The following PCCB variants were observed in gnomAD, a reference collection of about 807,000 sequenced individuals.
The protein encoded by PCCB is propionyl-CoA carboxylase subunit beta.
A neutral mutation model predicts 60.7 loss-of-function variants in PCCB; 43 were observed. The ratio of observed to expected loss-of-function variants is 0.71; its 90% confidence interval spans 0.55 to 0.91. PCCB has a LOEUF of 0.91. Ranked by LOEUF, PCCB falls within the 40% of genes least tolerant of loss-of-function variation. The pLI is 0.00. For missense variants in PCCB, 766 were observed against 702.8 expected, an observed-to-expected ratio of 1.09 and a Z score of -1.02; for synonymous variants, 276 against 255.9, an observed-to-expected ratio of 1.08 and a Z score of -0.75.
chr3:136,262,046 G>T lies in PCCB; in HGVS notation c.524G>T (p.Gly175Val). The T allele has an allele frequency of 1.3e-6, 2 of 1,554,058 alleles. No homozygotes were observed. Among genetic ancestry groups the T allele is most frequent in the Non-Finnish European group, 1.7e-6 (2 of 1,146,934 alleles). Residue 175 changes from glycine to valine, a missense_variant, in exon 5 of 15, where the codon GGC becomes GTC. Coordinates refer to ENST00000251654, the MANE Select transcript of PCCB (RefSeq NM_000532.5). ...CAAGAAGGAGTGGAGTCTTTGGCTGGCTATGCAGACATCTTTCTGGTGAGA... is the reference window on the plus strand; with the variant it reads ...CAAGAAGGAGTGGAGTCTTTGGCTGTCTATGCAGACATCTTTCTGGTGAGA... ...RIQEGVESLA[G>V]YADIFLRNVT...
intron 5 of PCCB, among the ~76,000 whole-genome samples, chr3:136,275,442 G>A (rs1034465079): frequency 1.5e-4 from 22 of 151,706 alleles, no homozygotes; most frequent in African/African-American, 4.1e-4. Flanking sequence ...CAAATATTTC[G>A]TTTTAGTTTG....
intron 6 of PCCB, among the ~76,000 whole-genome samples, chr3:136,287,841 A>T (rs920168922): frequency 6.6e-6 from 1 of 152,210 alleles, no homozygotes; most frequent in Non-Finnish European, 1.5e-5. Flanking sequence ...ACATTTTTCT[A>T]TATGTGTCTT....
At chr3:136,310,363 A>T (rs1026924077) in intron 9 of PCCB, among the ~76,000 whole-genome samples, 1 of 141,018 alleles carries the variant, frequency 7.1e-6, no homozygotes, top group Admixed American at 7.1e-5. Flanking sequence ...AACTCCATCT[A>T]AAAAAAAAAA....
rs1469662555 is a variant in PCCB at position 136,324,799 on chromosome 3, T to C, written c.1091-2004T>C. 6.6e-5 allele frequency among the ~76,000 whole-genome samples: 10 copies of C among 152,192 alleles called. 1 individual carries two copies. Among genetic ancestry groups the C allele is most frequent in the Admixed American group, 5.2e-4 (8 of 15,280 alleles). On this transcript the variant is annotated intron_variant, in intron 10 of 14. Coordinates refer to ENST00000251654, the MANE Select transcript of PCCB (RefSeq NM_000532.5). ...CCACAGACAGGTTAGAGCAGACATA[T>C]GCGGAAATTTGTGAATGAGGTCTGC...
At chr3:136,266,851 G>T (rs947747138) in intron 5 of PCCB, among the ~76,000 whole-genome samples, 5 of 151,906 alleles carry the variant, frequency 3.3e-5, no homozygotes, top group Non-Finnish European at 7.4e-5. Context: ...TCTGTGGCTT[G>T]TCTTTTCTTT....
chr3:136,255,669 C>T (rs1292558664), intron 1 of PCCB, 187 bp from the exon 2 acceptor site: 6 of 636,136 alleles, frequency 9.4e-6, no homozygotes, highest in Non-Finnish European at 1.7e-5. Context: ...ACTGTCTGTC[C>T]TGATTTCCAT....
chr3:136,273,578 CTTTTTTT>C (rs56936911), intron 5 of PCCB, among the ~76,000 whole-genome samples: 9 of 59,200 alleles, frequency 1.5e-4, no homozygotes, highest in Non-Finnish European at 2.7e-4. Flanking sequence ...CTTTTTCTTT[CTTTTTTT>C]TTTTCTTTTT....
intron 6 of PCCB, among the ~76,000 whole-genome samples, chr3:136,290,963 A>G (rs1576332582): frequency 2.0e-5 from 3 of 151,576 alleles, no homozygotes; most frequent in South Asian, 2.1e-4. Context: ...AAGCTCAGAG[A>G]TTCTTTCCTC....
At chr3:136,326,126 A>C (rs1935299385) in intron 10 of PCCB, among the ~76,000 whole-genome samples, 1 of 152,084 alleles carries the variant, frequency 6.6e-6, no homozygotes. Flanking sequence ...GTTTTTGTAT[A>C]TATTGCTGGA....
chr3:136,301,127 G>C lies in PCCB; in HGVS notation c.966+16G>C. 1 of 1,601,130 alleles carries C rather than the reference G, an allele frequency of 6.2e-7. No homozygotes were observed. Among genetic ancestry groups the C allele is most frequent in the South Asian group, 1.1e-5 (1 of 90,864 alleles). The stretch of plus-strand genomic sequence containing the variant: ...CATACACTCTGTAAGTGCCACATCT[G>C]TTTGTCTTGCCTGTCCTAGTCAGCC... On this transcript the variant is annotated intron_variant, in intron 9 of 14. Transcript: ENST00000251654.
chr3:136,309,549 C>T (rs1934580482), intron 9 of PCCB, among the ~76,000 whole-genome samples: 1 of 152,186 alleles, frequency 6.6e-6, no homozygotes, highest in Admixed American at 6.5e-5. Context: ...CCTATAATCC[C>T]AGCACTTTGG....
At chr3:136,283,263 A>G (rs573319409) in intron 5 of PCCB, among the ~76,000 whole-genome samples, 4 of 152,254 alleles carry the variant, frequency 2.6e-5, no homozygotes, top group African/African-American at 9.6e-5. Flanking sequence ...GTCCTTCACA[A>G]CACAGTGTCC....
intron 5 of PCCB, among the ~76,000 whole-genome samples, chr3:136,279,729 G>A (rs979604927): frequency 2.6e-5 from 4 of 151,930 alleles, no homozygotes; most frequent in South Asian, 2.1e-4. Flanking sequence ...GTGCAGTGGC[G>A]TGATCTCGAC....
chr3:136,309,458 A>G (rs1313972682), intron 9 of PCCB, among the ~76,000 whole-genome samples: 2 of 152,182 alleles, frequency 1.3e-5, no homozygotes, highest in East Asian at 3.8e-4. Flanking sequence ...GTAAAAGCAG[A>G]AGTATGAAGT....
chr3:136,306,105 C>T (rs968192344), intron 9 of PCCB, among the ~76,000 whole-genome samples: 1 of 122,790 alleles, frequency 8.1e-6, no homozygotes, highest in African/African-American at 2.5e-5. Flanking sequence ...ATTTGTTCAT[C>T]TGCCAGCTTT....
chr3:136,251,282 A>G (rs1304563557), intron 1 of PCCB: 1 of 456,642 alleles, frequency 2.2e-6, no homozygotes, highest in East Asian at 7.0e-5. Flanking sequence ...TGGGCGGCCC[A>G]TTTTGGAGAG....
chr3:136,323,146 C>G (rs1253771977), intron 10 of PCCB, among the ~76,000 whole-genome samples: 1 of 151,986 alleles, frequency 6.6e-6, no homozygotes, highest in African/African-American at 2.4e-5. Flanking sequence ...TTGCATCAAA[C>G]TTGGGAAGTT....
At chr3:136,259,257 A>G (rs1431285996) in intron 3 of PCCB, 10 of 787,586 alleles carry the variant, frequency 1.3e-5, no homozygotes, top group Non-Finnish European at 1.4e-5. Flanking sequence ...ACTTGAGGCC[A>G]GGAGTTTGAA....
At chr3:136,291,221 C>T (rs1560014235) in intron 6 of PCCB, among the ~76,000 whole-genome samples, 1 of 152,118 alleles carries the variant, frequency 6.6e-6, no homozygotes, top group Non-Finnish European at 1.5e-5. Context: ...GATCCTCCCA[C>T]CTCAGCCTCC....
Sources: gnomAD v4.1 joint callset for allele counts (sites outside exome capture counted in the v4.1 genomes callset) on GRCh38, gnomAD v4.1.1 for gene constraint, MANE v1.5 for transcripts, NCBI Gene and HGNC (gene_info 2026-07-23, HGNC 2026-07-21) for gene names.